Variants in CDH9 observed in about 807,000 individuals in gnomAD.
CDH9 encodes cadherin 9.
A neutral mutation model predicts 70.9 loss-of-function variants in CDH9; 28 were observed. That is an observed-to-expected ratio of 0.40 (90% CI 0.29 to 0.54). CDH9 has a LOEUF of 0.54. Ranked by LOEUF, CDH9 falls within the 20% of genes least tolerant of loss-of-function variation. The pLI is 0.59. For missense variants in CDH9, 874 were observed against 984.4 expected (o/e 0.89, Z 1.50); for synonymous variants, 409 against 343.1 (o/e 1.19, Z -2.12).
At chr5:27,010,729 G>A (rs1742941549) in intron 1 of CDH9, among the ~76,000 whole-genome samples, 1 of 152,124 alleles carries the variant, frequency 6.6e-6, no homozygotes, top group Non-Finnish European at 1.5e-5. Context: ...CAGGCCTTAA[G>A]CCAATGCTGC....
intron 2 of CDH9, among the ~76,000 whole-genome samples, chr5:26,986,404 T>C (rs542961791): frequency 6.6e-6 from 1 of 152,244 alleles, no homozygotes; most frequent in Admixed American, 6.5e-5. Flanking sequence ...TGACAGATTA[T>C]GGAATTAATT....
At chr5:26,923,091 A>C (rs112628176) in intron 2 of CDH9, among the ~76,000 whole-genome samples, 1,146 of 89,354 alleles carry the variant, frequency 0.013, 16 homozygotes, top group South Asian at 0.023. Flanking sequence ...AAAAAACACA[A>C]AAAAAAAACA....
chr5:26,918,173 G>A (rs576200254), intron 2 of CDH9, among the ~76,000 whole-genome samples: 1 of 152,034 alleles, frequency 6.6e-6, no homozygotes, highest in African/African-American at 2.4e-5. Context: ...GTCTCAGAAG[G>A]CCTGTTCTAG....
At chr5:26,971,774 C>T (rs1001339856) in intron 2 of CDH9, among the ~76,000 whole-genome samples, 42 of 152,172 alleles carry the variant, frequency 2.8e-4, no homozygotes, top group Admixed American at 9.8e-4. Flanking sequence ...AATACACACA[C>T]ACACACACCC....
chr5:26,903,871 A>AT (rs764831495), intron 5 of CDH9, 47 bp from the exon 6 acceptor site: 8 of 1,005,138 alleles, frequency 8.0e-6, no homozygotes, highest in South Asian at 1.6e-5. Flanking sequence ...TTTATATAAC[A>AT]TTTTTTCATT....
chr5:26,937,937 G>C (rs1394550293), intron 2 of CDH9, among the ~76,000 whole-genome samples: 1 of 152,034 alleles, frequency 6.6e-6, no homozygotes, highest in South Asian at 2.1e-4. Flanking sequence ...CCATTGAACT[G>C]CCCAACACAC....
At chr5:27,004,763 A>G (rs1481297062) in intron 1 of CDH9, among the ~76,000 whole-genome samples, 1 of 152,122 alleles carries the variant, frequency 6.6e-6, no homozygotes, top group Non-Finnish European at 1.5e-5. Context: ...TGCCCTATTT[A>G]ACATCCAAGT....
chr5:26,962,155 C>T (rs1353208482), intron 2 of CDH9, among the ~76,000 whole-genome samples: 2 of 152,132 alleles, frequency 1.3e-5, no homozygotes, highest in Non-Finnish European at 2.9e-5. Flanking sequence ...AGGACATAAA[C>T]TCATCCTTTT....
In CDH9 at chr5:26,902,794, C is replaced by T. The variant is rs928399537; in HGVS notation, c.1000-65G>A. ...AAGATATGACAATGAAAGACGATTT[C>T]AAATTTTAATAGCCAGCGATCATGA... On this transcript the variant is annotated intron_variant, in intron 6 of 11. Coordinates refer to ENST00000231021, the MANE Select transcript of CDH9 (RefSeq NM_016279.4). The T allele has an allele frequency of 1.8e-5, 17 of 929,066 alleles. No homozygotes were observed. In the African/African-American group the frequency reaches 2.5e-4, roughly 14 times the overall value. 57.6% of individuals were successfully genotyped at this position (929,066 alleles called of 1,614,324 possible). A position where few individuals can be genotyped will look rare whatever the true frequency, so the allele number is the denominator to read the frequency against.
intron 2 of CDH9, among the ~76,000 whole-genome samples, chr5:26,933,947 T>C (rs1024131208): frequency 2.6e-5 from 4 of 152,088 alleles, no homozygotes; most frequent in African/African-American, 9.7e-5. Context: ...AAGGAATTCC[T>C]GATCCCCAGT....
intron 6 of CDH9, chr5:26,903,013 G>C: frequency 3.6e-6 from 1 of 277,028 alleles, no homozygotes; most frequent in East Asian, 7.7e-5. Flanking sequence ...TTATCTAATG[G>C]ATTTATACAT....
Position 26,894,448 on chromosome 5 carries a change from C to T in CDH9, c.1254-3884G>A, listed in dbSNP as rs558827784. 3.3e-5 allele frequency among the ~76,000 whole-genome samples: 5 copies of T among 152,090 alleles called. No individual in the cohort carries two copies. The South Asian group carries it at 1.0e-3, about 32-fold the overall frequency. On this transcript the variant is annotated intron_variant, in intron 7 of 11. Transcript: ENST00000231021. ...TACTCTTAGGTACAACCTTGAAAGACACTGTTTTTCACTTTAAGAATTCAT... is the reference window on the plus strand; with the variant it reads ...TACTCTTAGGTACAACCTTGAAAGATACTGTTTTTCACTTTAAGAATTCAT...
At chr5:27,021,287 G>A (rs192648835) in intron 1 of CDH9, among the ~76,000 whole-genome samples, 52 of 151,770 alleles carry the variant, frequency 3.4e-4, no homozygotes, top group South Asian at 4.1e-4. Context: ...TGAGTTTGAC[G>A]TTGACTTATT....
intron 10 of CDH9, 26 bp from the exon 11 acceptor site, chr5:26,885,891 C>CA (rs1554034464): frequency 6.2e-7 from 1 of 1,605,926 alleles, no homozygotes; most frequent in Admixed American, 1.7e-5. Context: ...TGTAAAAAAA[C>CA]AAAAACTTTC....
intron 2 of CDH9, among the ~76,000 whole-genome samples, chr5:26,921,048 C>T (rs1400077362): frequency 6.6e-6 from 1 of 152,132 alleles, no homozygotes; most frequent in African/African-American, 2.4e-5. Context: ...TCTGGAAAGA[C>T]AGAGCTATCT....
At chr5:26,993,672 G>T (rs1033400426) in intron 1 of CDH9, among the ~76,000 whole-genome samples, 38 of 118,892 alleles carry the variant, frequency 3.2e-4, no homozygotes, top group African/African-American at 1.2e-3. Flanking sequence ...GATTTTATAG[G>T]CCAGCTCCCT....
rs1160691394 is a variant in CDH9, at chr5:26,902,459, G to A, written c.1253+17C>T. ...TTATATTTCTAAAAACATAATAAAT[G>A]TTTTCAAAGTACTTACTTTATTAAA... On this transcript the variant is annotated intron_variant, in intron 7 of 11. Coordinates refer to ENST00000231021, the MANE Select transcript of CDH9 (RefSeq NM_016279.4). The A allele has an allele frequency of 2.6e-6, 4 of 1,554,106 alleles. No individual in the cohort carries two copies. The highest frequency in any genetic ancestry group is 2.7e-5 in the African/African-American group (2 of 73,216).
chr5:27,016,009 A>G (rs185819860), intron 1 of CDH9, among the ~76,000 whole-genome samples: 6 of 151,958 alleles, frequency 3.9e-5, no homozygotes, highest in Non-Finnish European at 8.8e-5. Flanking sequence ...TCAAACATGT[A>G]CTGACATCTT....
intron 1 of CDH9, among the ~76,000 whole-genome samples, chr5:27,030,608 G>T (rs1325910721): frequency 6.6e-6 from 1 of 151,226 alleles, no homozygotes; most frequent in Non-Finnish European, 1.5e-5. Context: ...ACAGTTTATT[G>T]CAAGGAGAAG....
Sources: allele counts gnomAD v4.1 joint callset (sites outside exome capture counted in the v4.1 genomes callset), GRCh38; gene constraint gnomAD v4.1.1; transcripts MANE v1.5; gene names NCBI Gene and HGNC (gene_info 2026-07-23, HGNC 2026-07-21).